Variants in ARNT2 observed in about 807,000 individuals in gnomAD.
ARNT2 encodes the protein ARNT protein 2.
Under a neutral mutation model 91.7 loss-of-function variants are expected in ARNT2, and 36 were observed. The observed-to-expected ratio is 0.39, with a 90% CI of 0.30 to 0.52. ARNT2 has a LOEUF of 0.52. Among genes scored for constraint, ARNT2 ranks in the 20% least tolerant of loss-of-function variants. The pLI, the probability that ARNT2 is intolerant of heterozygous loss-of-function variation, is 0.72. For missense variants in ARNT2, 775 were observed against 939.3 expected (o/e 0.83, Z 2.29); for synonymous variants, 365 against 347.1 (o/e 1.05, Z -0.57).
chr15:80,552,277 A>G (rs965035446), intron 9 of ARNT2, among the ~76,000 whole-genome samples: 5 of 152,216 alleles, frequency 3.3e-5, no homozygotes, highest in Non-Finnish European at 7.3e-5. Context: ...TGCCATCCTT[A>G]GTAAAGGGAA....
intron 3 of ARNT2, among the ~76,000 whole-genome samples, chr15:80,458,451 A>C: frequency 6.6e-6 from 1 of 152,248 alleles, no homozygotes; most frequent in Non-Finnish European, 1.5e-5. Context: ...ATGAGAAACC[A>C]GGCAGCTGTG....
Position 80,536,948 on chromosome 15 carries a change from G to T in ARNT2, c.878-14251G>T, listed in dbSNP as rs145461452. 2.1e-3 allele frequency among the ~76,000 whole-genome samples: 325 copies of T among 152,290 alleles called. 9 individuals are homozygous for T. The East Asian group carries it at 0.032, about 15-fold the overall frequency. On this transcript the variant is annotated intron_variant, in intron 8 of 18. Coordinates refer to ENST00000303329, the MANE Select transcript of ARNT2 (RefSeq NM_014862.4). ...CCTCTGCCCTGACCTGACTGCAGGG[G>T]TGCTCAAAGCCTCAAGCTGGTGGCC...
At chr15:80,584,334 C>T in intron 17 of ARNT2, among the ~76,000 whole-genome samples, 1 of 152,152 alleles carries the variant, frequency 6.6e-6, no homozygotes, top group Non-Finnish European at 1.5e-5. Context: ...TCAGCTTTTA[C>T]TCCACAGGGC....
At chr15:80,433,282 AT>A (rs1230017076) in intron 1 of ARNT2, among the ~76,000 whole-genome samples, 4 of 133,426 alleles carry the variant, frequency 3.0e-5, no homozygotes, top group Non-Finnish European at 4.9e-5. Flanking sequence ...ATTTTATTTT[AT>A]TTTATTTTAT....
intron 1 of ARNT2, among the ~76,000 whole-genome samples, chr15:80,432,072 T>G (rs531100445): frequency 1.9e-3 from 283 of 152,340 alleles, no homozygotes; most frequent in African/African-American, 6.3e-3. Context: ...TGCTGCTGTC[T>G]CCTGAAAGCT....
At chr15:80,545,517 A>G (rs1255819259) in intron 8 of ARNT2, among the ~76,000 whole-genome samples, 6 of 152,198 alleles carry the variant, frequency 3.9e-5, no homozygotes, top group Non-Finnish European at 8.8e-5. Context: ...TAGGAGTGAT[A>G]TAGACGACAG....
At chr15:80,548,195 A>C (rs1566998337) in intron 8 of ARNT2, among the ~76,000 whole-genome samples, 1 of 152,190 alleles carries the variant, frequency 6.6e-6, no homozygotes, top group Non-Finnish European at 1.5e-5. Flanking sequence ...TGCAGAGCAG[A>C]TATTAGAATC....
rs60138286 is a variant in ARNT2, at chr15:80,522,760, C to CATATATATATATATATATATATATAT, written c.877+8375_877+8376insATATATATATATATATATATATATAT. 1.6e-4 allele frequency among the ~76,000 whole-genome samples: 23 copies of CATATATATATATATATATATATATAT among 144,532 alleles called. 1 individual carries two copies. The highest frequency in any genetic ancestry group is 1.0e-3 in the Admixed American group (15 of 14,476). The allele number at this position is 144,532 out of a possible 152,430, so 94.8% of individuals were successfully genotyped here. The stretch of plus-strand genomic sequence containing the variant: ...TAATGACTGTGTGACTGTACATACA[C>CATATATATATATATATATATATATAT]ATATATATATATATATATATCTGTT... On this transcript the variant is annotated intron_variant, in intron 8 of 18. Transcript: ENST00000303329.
At chr15:80,539,711 C>A (rs996568937) in intron 8 of ARNT2, among the ~76,000 whole-genome samples, 4 of 152,048 alleles carry the variant, frequency 2.6e-5, no homozygotes, top group African/African-American at 9.7e-5. Flanking sequence ...ACTGGAAAAT[C>A]TATTCAAAGA....
intron 8 of ARNT2, among the ~76,000 whole-genome samples, chr15:80,523,686 G>A (rs1370884445): frequency 1.3e-5 from 2 of 152,160 alleles, no homozygotes; most frequent in Non-Finnish European, 2.9e-5. Context: ...ATCATGGAAA[G>A]ACTCACTTTT....
chr15:80,478,852 T>G (rs1434328167), intron 5 of ARNT2, among the ~76,000 whole-genome samples: 2 of 152,180 alleles, frequency 1.3e-5, no homozygotes, highest in African/African-American at 4.8e-5. Context: ...GCCTCAGGTG[T>G]GGTTTAATGC....
intron 3 of ARNT2, among the ~76,000 whole-genome samples, chr15:80,466,832 G>A (rs778770414): frequency 2.0e-5 from 3 of 152,192 alleles, no homozygotes; most frequent in African/African-American, 7.2e-5. Context: ...TCTGGACTAG[G>A]CAATAAATAC....
At chr15:80,413,061 T>A (rs1368448812) in intron 1 of ARNT2, among the ~76,000 whole-genome samples, 2 of 151,196 alleles carry the variant, frequency 1.3e-5, no homozygotes, top group East Asian at 3.9e-4. Flanking sequence ...CTCCTTTCAG[T>A]GATTTAATAA....
intron 2 of ARNT2, among the ~76,000 whole-genome samples, chr15:80,451,488 G>A (rs2141380936): frequency 6.6e-6 from 1 of 152,352 alleles, no homozygotes; most frequent in East Asian, 1.9e-4. Context: ...GGTGAAGGTG[G>A]TAATAATACT....
At chr15:80,457,546 G>A (rs185546351) in intron 2 of ARNT2, among the ~76,000 whole-genome samples, 16 of 152,328 alleles carry the variant, frequency 1.1e-4, no homozygotes, top group Admixed American at 3.9e-4. Context: ...ATGTGGAATA[G>A]GTGATGCAGA....
In ARNT2 at chr15:80,576,744, G is replaced by A. The variant is rs1036947562; in HGVS notation, c.1514-122G>A. The A allele has an allele frequency of 7.2e-6, 7 of 967,848 alleles. No individual in the cohort carries two copies. In the African/African-American group the frequency reaches 8.0e-5, roughly 11 times the overall value. The allele number at this position is 967,848 out of a possible 1,614,324, so 60.0% of individuals were successfully genotyped here. ...GGCTGAGAAGATTGCGTGCAGGCGG[G>A]CTGCCCTGACTTGTGTCCTCCCGTT... On this transcript the variant is annotated intron_variant, in intron 14 of 18. Coordinates refer to ENST00000303329, the MANE Select transcript of ARNT2 (RefSeq NM_014862.4).
intron 1 of ARNT2, among the ~76,000 whole-genome samples, chr15:80,438,296 T>C (rs1210962814): frequency 1.3e-5 from 2 of 152,194 alleles, no homozygotes; most frequent in African/African-American, 4.8e-5. Context: ...AGGAATGAAC[T>C]ACGTTGGTTT....
intron 10 of ARNT2, 40 bp from the exon 11 acceptor site, chr15:80,555,025 A>G: frequency 6.4e-7 from 1 of 1,574,596 alleles, no homozygotes. Flanking sequence ...AATAATTACA[A>G]ATGGATCTGG....
chr15:80,435,011 A>G (rs1896065922), intron 1 of ARNT2, among the ~76,000 whole-genome samples: 1 of 151,244 alleles, frequency 6.6e-6, no homozygotes, highest in South Asian at 2.1e-4. Context: ...ACCTGCGGGT[A>G]AACCACTGGG....
Sources: gnomAD v4.1 joint callset for allele counts (sites outside exome capture counted in the v4.1 genomes callset) on GRCh38, gnomAD v4.1.1 for gene constraint, MANE v1.5 for transcripts, NCBI Gene and HGNC (gene_info 2026-07-23, HGNC 2026-07-21) for gene names.